Variants in CTNNA3 observed in about 807,000 individuals in gnomAD.
The protein encoded by CTNNA3 is catenin alpha 3, also known as catenin alpha-3.
In CTNNA3, 76 loss-of-function variants were observed where a neutral mutation model predicts 95.7. The ratio of observed to expected loss-of-function variants is 0.79; its 90% confidence interval spans 0.66 to 0.96. The LOEUF (loss-of-function observed/expected upper bound fraction) is 0.96, where lower values mean the gene tolerates loss of function less well. CTNNA3 is among the 40% of genes least tolerant of loss of function. The probability of loss-of-function intolerance (pLI) is 0.00; values close to 1 mark genes in which losing one functional copy is unlikely to be tolerated. For missense variants in CTNNA3, 1,191 were observed against 1,089.8 expected, an observed-to-expected ratio of 1.09 and a Z score of -1.31; for synonymous variants, 431 against 374.4, an observed-to-expected ratio of 1.15 and a Z score of -1.74.
At position 67,073,577 on chromosome 10, in the gene CTNNA3, TGA is replaced by T. The variant is rs1229517131; in HGVS notation, c.1047+106738_1047+106739del. Among the ~76,000 whole-genome samples the T allele has an allele frequency of 8.9e-5, 13 of 146,454 alleles. No homozygotes were observed. In the South Asian group the frequency reaches 1.1e-3, roughly 12 times the overall value. On this transcript the variant is annotated intron_variant, in intron 7 of 17. Transcript: ENST00000433211. ...GATTAAGCCCAATAAAGAGAAAAAA[TGA>T]GAGAGTCATATTAAAAAAACAGAGA...
intron 7 of CTNNA3, among the ~76,000 whole-genome samples, chr10:67,094,181 A>G (rs886927554): frequency 6.6e-6 from 1 of 152,002 alleles, no homozygotes; most frequent in Admixed American, 6.6e-5. Context: ...CTCATTATAA[A>G]TAATTAGAAG....
chr10:66,526,950 G>A (rs1320033630), intron 10 of CTNNA3, among the ~76,000 whole-genome samples: 2 of 151,996 alleles, frequency 1.3e-5, no homozygotes, highest in African/African-American at 4.8e-5. Context: ...TTTTGATGAA[G>A]TCCAATTTTT....
intron 1 of CTNNA3, chr10:67,751,342 C>T (rs151314923): frequency 1.4e-4 from 96 of 690,514 alleles, no homozygotes; most frequent in African/African-American, 1.0e-3. Context: ...ACAGTGACTT[C>T]GTCCTGTTGC....
intron 11 of CTNNA3, among the ~76,000 whole-genome samples, chr10:66,466,679 T>G (rs1363232828): frequency 6.6e-6 from 1 of 152,062 alleles, no homozygotes; most frequent in Non-Finnish European, 1.5e-5. Context: ...CAACTCTCAC[T>G]CTAAATCCTC....
At chr10:66,368,276 A>AT (rs2092728148) in intron 12 of CTNNA3, among the ~76,000 whole-genome samples, 1 of 152,036 alleles carries the variant, frequency 6.6e-6, no homozygotes, top group Non-Finnish European at 1.5e-5. Flanking sequence ...CAGTGTTGTG[A>AT]TAAGAAGTCT....
At chr10:65,942,055 G>A (rs2077439023) in intron 17 of CTNNA3, among the ~76,000 whole-genome samples, 1 of 152,112 alleles carries the variant, frequency 6.6e-6, no homozygotes, top group Non-Finnish European at 1.5e-5. Flanking sequence ...TGTTTCACAA[G>A]GGTGTTTACT....
At chr10:66,895,315 C>T (rs969270687) in intron 7 of CTNNA3, among the ~76,000 whole-genome samples, 9 of 152,106 alleles carry the variant, frequency 5.9e-5, no homozygotes, top group Non-Finnish European at 1.0e-4. Flanking sequence ...TCTTGCAAGA[C>T]TGCAGGTACC....
intron 6 of CTNNA3, among the ~76,000 whole-genome samples, chr10:67,193,629 A>ATGG (rs1863218471): frequency 6.6e-6 from 1 of 152,028 alleles, no homozygotes; most frequent in Admixed American, 6.6e-5. Context: ...GCTTAGAATA[A>ATGG]TGGCCTCCAG....
intron 7 of CTNNA3, among the ~76,000 whole-genome samples, chr10:66,869,961 C>T (rs1432471083): frequency 1.3e-5 from 2 of 152,110 alleles, no homozygotes; most frequent in Non-Finnish European, 2.9e-5. Context: ...GATTTAAAAA[C>T]CAAGACTACT....
chr10:66,420,842 A>G (rs982055206), intron 11 of CTNNA3, among the ~76,000 whole-genome samples: 191 of 108,020 alleles, frequency 1.8e-3, no homozygotes, highest in African/African-American at 7.3e-3. Context: ...AATAAATAAA[A>G]AACAATATGG....
chr10:66,780,816 C>A (rs1379577352), intron 7 of CTNNA3, among the ~76,000 whole-genome samples: 3 of 152,138 alleles, frequency 2.0e-5, no homozygotes, highest in Non-Finnish European at 4.4e-5. Flanking sequence ...TTTGGCAGAT[C>A]CCATTACGTT....
In CTNNA3 at chr10:66,572,245, T is replaced by TG. The variant is rs557201714; in HGVS notation, c.1374+49446dup. On this transcript the variant is annotated intron_variant, in intron 10 of 17. Transcript: ENST00000433211. ...TAAAAATACAAAAAATAGCTGGGTG[T>TG]GGGGGCACGTGCCTGTAATCCCATC... Among the ~76,000 whole-genome samples the TG allele has an allele frequency of 2.9e-4, 44 of 151,530 alleles. No homozygotes were observed. In the South Asian group the frequency reaches 8.5e-3, roughly 29 times the overall value.
intron 11 of CTNNA3, among the ~76,000 whole-genome samples, chr10:66,498,651 G>A (rs145624878): frequency 1.3e-5 from 2 of 152,248 alleles, no homozygotes; most frequent in East Asian, 1.9e-4. Flanking sequence ...ATCTTGGCAC[G>A]TAAACCTTTA....
At chr10:66,533,989 T>G (rs1841560443) in intron 10 of CTNNA3, among the ~76,000 whole-genome samples, 1 of 152,144 alleles carries the variant, frequency 6.6e-6, no homozygotes, top group Non-Finnish European at 1.5e-5. Context: ...GGGCCACTAC[T>G]AAAGTGCATA....
chr10:66,875,965 C>A (rs148085845), intron 7 of CTNNA3, among the ~76,000 whole-genome samples: 359 of 152,148 alleles, frequency 2.4e-3, no homozygotes, highest in African/African-American at 8.4e-3. Context: ...CATTGGCTGA[C>A]GTGTTAAATC....
intron 5 of CTNNA3, among the ~76,000 whole-genome samples, chr10:67,490,722 G>A (rs1313968891): frequency 6.6e-6 from 1 of 152,100 alleles, no homozygotes; most frequent in African/African-American, 2.4e-5. Context: ...AAAGAGTCCT[G>A]GTAGATCAGA....
Position 66,306,792 on chromosome 10 carries a change from T to G in CTNNA3, c.1733-26171A>C, listed in dbSNP as rs192695092. 3.9e-5 allele frequency among the ~76,000 whole-genome samples: 6 copies of G among 152,290 alleles called. No homozygotes were observed. In the East Asian group the frequency reaches 1.2e-3, roughly 29 times the overall value. On this transcript the variant is annotated intron_variant, in intron 12 of 17. Transcript: ENST00000433211. ...AAGAAAAAAAGAATTAAAGACTGGT[T>G]TTCGTATGTCTGAAAGCTTTGCATA...
intron 7 of CTNNA3, among the ~76,000 whole-genome samples, chr10:66,787,666 C>T (rs192663072): frequency 4.6e-5 from 7 of 152,288 alleles, no homozygotes; most frequent in Admixed American, 2.6e-4. Flanking sequence ...CCACAACTAA[C>T]GCACAGAAGT....
intron 7 of CTNNA3, among the ~76,000 whole-genome samples, chr10:66,979,523 C>A (rs1328737490): frequency 6.6e-6 from 1 of 152,082 alleles, no homozygotes; most frequent in Non-Finnish European, 1.5e-5. Context: ...CAGACTCAGG[C>A]ACTAACTTGG....
Sources: gnomAD v4.1 joint callset for allele counts (sites outside exome capture counted in the v4.1 genomes callset) on GRCh38, gnomAD v4.1.1 for gene constraint, MANE v1.5 for transcripts, NCBI Gene and HGNC (gene_info 2026-07-23, HGNC 2026-07-21) for gene names.